EDA: variants seen among roughly 807,000 people sequenced by gnomAD.
EDA encodes ectodysplasin-A.
Under a neutral mutation model 23.6 loss-of-function variants are expected in EDA, and 2 were observed. The observed-to-expected ratio is 0.08, with a 90% CI of 0.03 to 0.27. The LOEUF is 0.27. EDA is among the 10% of genes least tolerant of loss of function. EDA has a pLI of 1.00. For missense variants in EDA, 229 were observed against 324.2 expected (o/e 0.71, Z 2.26); for synonymous variants, 131 against 132.0 (o/e 0.99, Z 0.05).
At chrX:69,697,777 C>G (rs761690701) in intron 1 of EDA, among the ~76,000 whole-genome samples, 2 of 112,094 alleles carry the variant, frequency 1.8e-5, no homozygotes, top group Non-Finnish European at 3.8e-5. Flanking sequence ...TCCCACCCAT[C>G]CCTTCCAGGT....
chrX:69,832,358 A>G (rs1012470360), intron 1 of EDA, among the ~76,000 whole-genome samples: 4 of 111,037 alleles, frequency 3.6e-5, no homozygotes, highest in Admixed American at 9.6e-5. Flanking sequence ...GATGTGTGGT[A>G]TTATTTCTGA....
intron 1 of EDA, among the ~76,000 whole-genome samples, chrX:69,852,395 A>C (rs983289261): frequency 8.9e-6 from 1 of 111,820 alleles, no homozygotes; most frequent in Non-Finnish European, 1.9e-5. Flanking sequence ...TCCCAAAGTG[A>C]TTTTTAAAAT....
At chrX:69,909,415 C>A (rs1205089631) in intron 1 of EDA, among the ~76,000 whole-genome samples, 2 of 111,912 alleles carry the variant, frequency 1.8e-5, no homozygotes, top group African/African-American at 6.5e-5. Context: ...ATTCTCGTGT[C>A]TCAGCCTCCC....
intron 1 of EDA, among the ~76,000 whole-genome samples, chrX:69,913,395 G>C (rs2018296498): frequency 8.9e-6 from 1 of 112,435 alleles, no homozygotes; most frequent in African/African-American, 3.2e-5. Context: ...TGTTACTGGA[G>C]ACAGATTCTT....
At chrX:69,663,336 C>T (rs1394024998) in intron 1 of EDA, among the ~76,000 whole-genome samples, 2 of 112,111 alleles carry the variant, frequency 1.8e-5, no homozygotes, top group Admixed American at 9.5e-5. Flanking sequence ...TCCTGTGTCC[C>T]AGCTGCTTCA....
chrX:69,675,954 G>C (rs897429789), intron 1 of EDA, among the ~76,000 whole-genome samples: 1 of 111,195 alleles, frequency 9.0e-6, no homozygotes, highest in Non-Finnish European at 1.9e-5. Flanking sequence ...TATGGGAGAG[G>C]ATAAGGGAGC....
intron 1 of EDA, among the ~76,000 whole-genome samples, chrX:69,774,325 C>G (rs1464276847): frequency 8.9e-6 from 1 of 111,740 alleles, no homozygotes; most frequent in Non-Finnish European, 1.9e-5. Context: ...CTCTCCAGTA[C>G]TCCGTCCTGT....
chrX:69,649,825 G>T (rs902835225), intron 1 of EDA, among the ~76,000 whole-genome samples: 4 of 111,452 alleles, frequency 3.6e-5, no homozygotes, highest in Non-Finnish European at 5.6e-5. Context: ...GACCTCAGGT[G>T]ATCTGCCTAC....
At chrX:70,020,931 C>A (rs2020024877) in intron 2 of EDA, among the ~76,000 whole-genome samples, 1 of 112,262 alleles carries the variant, frequency 8.9e-6, no homozygotes, top group South Asian at 3.7e-4. Flanking sequence ...TTAATAAGCT[C>A]TTTTTCCTTT....
At chrX:69,804,919 T>C (rs909586497) in intron 1 of EDA, among the ~76,000 whole-genome samples, 3 of 111,739 alleles carry the variant, frequency 2.7e-5, no homozygotes, top group Non-Finnish European at 5.7e-5. Flanking sequence ...TTGTTATTGG[T>C]ATTGTTATTG....
intron 1 of EDA, among the ~76,000 whole-genome samples, chrX:69,721,239 T>C (rs1173173100): frequency 8.9e-6 from 1 of 111,941 alleles, no homozygotes; most frequent in Non-Finnish European, 1.9e-5. Context: ...TCCACCAGTG[T>C]TCCCCACTCT....
chrX:69,638,866 A>G (rs1477847031), intron 1 of EDA, among the ~76,000 whole-genome samples: 3 of 111,567 alleles, frequency 2.7e-5, no homozygotes, highest in Admixed American at 9.5e-5. Flanking sequence ...GATTGCCACT[A>G]TCTATTTCCA....
intron 1 of EDA, among the ~76,000 whole-genome samples, chrX:69,836,237 G>T (rs193188660): frequency 9.8e-5 from 11 of 112,394 alleles, no homozygotes; most frequent in Non-Finnish European, 2.1e-4. Context: ...GAGCTCAAAC[G>T]TCGTGCTGAG....
intron 1 of EDA, among the ~76,000 whole-genome samples, chrX:69,793,210 A>G (rs2015450922): frequency 8.9e-6 from 1 of 112,035 alleles, no homozygotes; most frequent in South Asian, 3.7e-4. Flanking sequence ...TCACAAAGTA[A>G]AGGCATACTT....
chrX:69,976,717 TTC>T (rs745977239), intron 2 of EDA, among the ~76,000 whole-genome samples: 1 of 108,943 alleles, frequency 9.2e-6, no homozygotes, highest in African/African-American at 3.4e-5. Context: ...CTCTATAGGT[TTC>T]TCTCTGTTCT....
At chrX:69,755,147 A>G (rs1247296153) in intron 1 of EDA, among the ~76,000 whole-genome samples, 2 of 111,878 alleles carry the variant, frequency 1.8e-5, no homozygotes, top group Non-Finnish European at 3.8e-5. Flanking sequence ...TCTGATTTTT[A>G]GAATTTTCAT....
At chrX:70,021,884 G>C (rs752206808) in intron 2 of EDA, among the ~76,000 whole-genome samples, 22 of 111,827 alleles carry the variant, frequency 2.0e-4, no homozygotes, top group African/African-American at 7.1e-4. Context: ...TCTCTAATAG[G>C]GCCTGCTCTT....
At chrX:69,849,128 CACACAT>C (rs1489683095) in intron 1 of EDA, among the ~76,000 whole-genome samples, 15 of 92,980 alleles carry the variant, frequency 1.6e-4, no homozygotes, top group South Asian at 4.9e-4. Flanking sequence ...CACACACACA[CACACAT>C]ACATATTATT....
intron 1 of EDA, chrX:69,617,606 T>C (rs1297741539): frequency 1.2e-5 from 3 of 251,953 alleles, no homozygotes; most frequent in Non-Finnish European, 2.2e-5. Flanking sequence ...TTCTAGCTTT[T>C]TATTCAAGTA....
Sources: allele counts gnomAD v4.1 joint callset (sites outside exome capture counted in the v4.1 genomes callset), GRCh38; gene constraint gnomAD v4.1.1; transcripts MANE v1.5; gene names NCBI Gene and HGNC (gene_info 2026-07-23, HGNC 2026-07-21).